Variants in ADGRL3 observed in about 807,000 individuals in gnomAD.
ADGRL3 encodes the protein adhesion G protein-coupled receptor L3.
In ADGRL3, 62 loss-of-function variants were observed where a neutral mutation model predicts 153.5. That is an observed-to-expected ratio of 0.40 (90% CI 0.33 to 0.50). The LOEUF (loss-of-function observed/expected upper bound fraction) is 0.50. ADGRL3 is among the 20% of genes least tolerant of loss of function. The probability of loss-of-function intolerance (pLI) is 0.47; values close to 1 mark genes in which losing one functional copy is unlikely to be tolerated. For synonymous variants in ADGRL3, 710 were observed against 672.5 expected, an observed-to-expected ratio of 1.06 and a Z score of -0.86; for missense variants, 1,641 against 1,859.4, an observed-to-expected ratio of 0.88 and a Z score of 2.16.
chr4:62,059,043 G>C (rs576325121), intron 25 of ADGRL3, among the ~76,000 whole-genome samples: 1 of 152,168 alleles, frequency 6.6e-6, no homozygotes, highest in African/African-American at 2.4e-5. Flanking sequence ...GCTAGGTTTT[G>C]TTTTCAGCAC....
intron 5 of ADGRL3, among the ~76,000 whole-genome samples, chr4:61,598,145 C>T (rs1364400245): frequency 1.3e-5 from 2 of 151,932 alleles, no homozygotes; most frequent in South Asian, 2.1e-4. Flanking sequence ...TTAGCATTTC[C>T]CTGCTGTGAC....
chr4:61,958,409 C>G (rs1398132467), intron 17 of ADGRL3, among the ~76,000 whole-genome samples: 1 of 146,758 alleles, frequency 6.8e-6, no homozygotes, highest in African/African-American at 2.4e-5. Context: ...TTCTTTCTTT[C>G]TTTCTTTCTT....
intron 8 of ADGRL3, among the ~76,000 whole-genome samples, 197 bp downstream of exon 8, chr4:61,733,751 C>T (rs2096472238): frequency 1.3e-5 from 2 of 152,178 alleles, no homozygotes; most frequent in Non-Finnish European, 2.9e-5. Context: ...AAGAAGTAGA[C>T]TCTCCTTTGT....
intron 2 of ADGRL3, among the ~76,000 whole-genome samples, chr4:61,489,273 G>T (rs2098231557): frequency 6.6e-6 from 1 of 151,652 alleles, no homozygotes; most frequent in Admixed American, 6.6e-5. Flanking sequence ...ACACTCTAAA[G>T]CTCCTATTAT....
At chr4:61,338,393 CTG>C (rs4038726) in intron 1 of ADGRL3, among the ~76,000 whole-genome samples, 99,612 of 149,840 alleles carry the variant, frequency 0.66, 33,035 homozygotes, top group East Asian at 0.79. Flanking sequence ...CAGTGTGTGT[CTG>C]TGTGTGTGTG....
chr4:61,456,431 A>C (rs1486911331), intron 2 of ADGRL3, among the ~76,000 whole-genome samples: 32 of 121,340 alleles, frequency 2.6e-4, no homozygotes, highest in African/African-American at 6.7e-4. Flanking sequence ...ATCTATATCT[A>C]TATATATAGA....
At chr4:61,816,820 G>C (rs1010528917) in intron 9 of ADGRL3, among the ~76,000 whole-genome samples, 8 of 152,120 alleles carry the variant, frequency 5.3e-5, no homozygotes, top group Admixed American at 4.6e-4. Context: ...CCAAGTTAAA[G>C]GGACAGCTTC....
chr4:61,960,267 T>TA (rs1458604569), intron 17 of ADGRL3, among the ~76,000 whole-genome samples: 10 of 152,164 alleles, frequency 6.6e-5, no homozygotes, highest in Admixed American at 5.9e-4. Flanking sequence ...AGTTCAGTAT[T>TA]AGGAGCAGAG....
At chr4:61,635,801 G>A (rs2093397312) in intron 5 of ADGRL3, among the ~76,000 whole-genome samples, 1 of 151,856 alleles carries the variant, frequency 6.6e-6, no homozygotes, top group African/African-American at 2.4e-5. Flanking sequence ...TCTTTCCTTG[G>A]CTTGAAGATT....
rs182751016 is a variant in ADGRL3, at chr4:61,408,665, T to G, written c.-174+25476T>G. 4.6e-4 allele frequency among the ~76,000 whole-genome samples: 70 copies of G among 152,180 alleles called. 2 individuals carry two copies. The highest frequency in any genetic ancestry group is 4.0e-3 in the Admixed American group (61 of 15,248). ...TTATTTAATCTAGATTATTTAATTA[T>G]TTATACAGAGTACAAAAGAATCAGT... On this transcript the variant is annotated intron_variant, in intron 2 of 26. Transcript: ENST00000683033.
chr4:62,026,558 T>A (rs915012939), intron 21 of ADGRL3, among the ~76,000 whole-genome samples: 1 of 152,040 alleles, frequency 6.6e-6, no homozygotes, highest in African/African-American at 2.4e-5. Flanking sequence ...ATATTAAAAA[T>A]AAAAAATATG....
intron 20 of ADGRL3, among the ~76,000 whole-genome samples, chr4:61,997,839 A>T (rs1316761925): frequency 6.6e-6 from 1 of 152,200 alleles, no homozygotes; most frequent in Non-Finnish European, 1.5e-5. Flanking sequence ...GTGTAGAAAT[A>T]GTAACACACC....
At chr4:61,483,629 C>T (rs1480486846) in intron 2 of ADGRL3, among the ~76,000 whole-genome samples, 3 of 151,688 alleles carry the variant, frequency 2.0e-5, no homozygotes, top group African/African-American at 4.8e-5. Context: ...CCCAGCTACT[C>T]GGGAGGCTGA....
rs558673034 is a variant in ADGRL3, at chr4:61,302,359, G to C, written c.-239-80765G>C. 1.3e-3 allele frequency among the ~76,000 whole-genome samples: 196 copies of C among 152,220 alleles called. 1 individual carries two copies. Among genetic ancestry groups the C allele is most frequent in the African/African-American group, 3.8e-3 (156 of 41,544 alleles). On this transcript the variant is annotated intron_variant, in intron 1 of 26. Coordinates refer to ENST00000683033, the MANE Select transcript of ADGRL3 (RefSeq NM_001387552.1). ...GAGACCAAAGAAGGTGAAGTGAAAGGCTACTACTAGTGGAGCCTTTGAAGC... is the reference window on the plus strand; with the variant it reads ...GAGACCAAAGAAGGTGAAGTGAAAGCCTACTACTAGTGGAGCCTTTGAAGC...
chr4:61,773,324 TAATG>T (rs1207266340), intron 8 of ADGRL3, among the ~76,000 whole-genome samples: 4 of 152,202 alleles, frequency 2.6e-5, no homozygotes, highest in South Asian at 2.1e-4. Flanking sequence ...ATATATGAAA[TAATG>T]AATAAGAATT....
chr4:61,994,555 G>C (rs1253160622), intron 19 of ADGRL3, among the ~76,000 whole-genome samples: 2 of 151,592 alleles, frequency 1.3e-5, no homozygotes, highest in African/African-American at 4.9e-5. Flanking sequence ...AAACGTTATA[G>C]CAAAGTAAAG....
At chr4:61,743,816 T>A (rs2096615043) in intron 8 of ADGRL3, among the ~76,000 whole-genome samples, 1 of 152,194 alleles carries the variant, frequency 6.6e-6, no homozygotes, top group Non-Finnish European at 1.5e-5. Flanking sequence ...CATTTCCATC[T>A]GAGGTACCGG....
At chr4:61,950,500 A>G (rs2098942932) in intron 17 of ADGRL3, among the ~76,000 whole-genome samples, 1 of 152,094 alleles carries the variant, frequency 6.6e-6, no homozygotes, top group African/African-American at 2.4e-5. Context: ...ATGGTAAAAG[A>G]GTTTAGAATT....
Position 61,281,371 on chromosome 4 carries a change from C to T in ADGRL3, c.-240+79606C>T, listed in dbSNP as rs182655642. On this transcript the variant is annotated intron_variant, in intron 1 of 26. Coordinates refer to ENST00000683033, the MANE Select transcript of ADGRL3 (RefSeq NM_001387552.1). ...ATCTCACAATATTTCTCTGACCTAA[C>T]CTTTGGGTACCCCAAGAGTAAAATC... 9.5e-4 allele frequency among the ~76,000 whole-genome samples: 145 copies of T among 152,234 alleles called. 1 individual carries two copies. Among genetic ancestry groups the T allele is most frequent in the Admixed American group, 1.0e-3 (16 of 15,278 alleles).
Sources: allele counts gnomAD v4.1 joint callset (sites outside exome capture counted in the v4.1 genomes callset), GRCh38; gene constraint gnomAD v4.1.1; transcripts MANE v1.5; gene names NCBI Gene and HGNC (gene_info 2026-07-23, HGNC 2026-07-21).